The following RALGAPA1 variants were observed in gnomAD, a reference collection of about 807,000 sequenced individuals.
The protein encoded by RALGAPA1 is ral GTPase-activating protein subunit alpha-1.
In RALGAPA1, 52 loss-of-function variants were observed where a neutral mutation model predicts 269.6. That is an observed-to-expected ratio of 0.19 (90% CI 0.15 to 0.24). The LOEUF (loss-of-function observed/expected upper bound fraction) is 0.24, where lower values mean the gene tolerates loss of function less well. RALGAPA1 is among the 10% of genes least tolerant of loss of function. The pLI, the probability that RALGAPA1 is intolerant of heterozygous loss-of-function variation, is 1.00. For synonymous variants in RALGAPA1, 817 were observed against 1,008.3 expected, an observed-to-expected ratio of 0.81 and a Z score of 3.60; for missense variants, 1,917 against 3,013.9, an observed-to-expected ratio of 0.64 and a Z score of 8.52.
intron 7 of RALGAPA1, among the ~76,000 whole-genome samples, chr14:35,755,737 T>G (rs2073110554): frequency 6.6e-6 from 1 of 152,110 alleles, no homozygotes; most frequent in Admixed American, 6.5e-5. Context: ...ACAGAAACAC[T>G]AAGTGGTTAT....
chr14:35,710,867 G>A (rs973419364), intron 16 of RALGAPA1, among the ~76,000 whole-genome samples: 1 of 151,996 alleles, frequency 6.6e-6, no homozygotes, highest in Admixed American at 6.5e-5. Context: ...TATTGCACAC[G>A]TTTGCAGCCT....
At chr14:35,562,547 C>A (rs2056351000) in intron 39 of RALGAPA1, among the ~76,000 whole-genome samples, 1 of 151,880 alleles carries the variant, frequency 6.6e-6, no homozygotes. Context: ...ATTAAGTAGT[C>A]AAAATAAAAA....
chr14:35,714,683 CT>C (rs1003755011), intron 16 of RALGAPA1, among the ~76,000 whole-genome samples: 4 of 152,130 alleles, frequency 2.6e-5, no homozygotes, highest in African/African-American at 7.2e-5. Context: ...TTAGATTTAC[CT>C]ACACATTTAC....
At chr14:35,606,503 A>G (rs2059606361) in intron 35 of RALGAPA1, among the ~76,000 whole-genome samples, 1 of 152,224 alleles carries the variant, frequency 6.6e-6, no homozygotes, top group African/African-American at 2.4e-5. Context: ...ATGAAAGCAT[A>G]GTTATGCAGC....
chr14:35,565,366 C>T (rs1235073673), intron 39 of RALGAPA1, among the ~76,000 whole-genome samples: 5 of 150,688 alleles, frequency 3.3e-5, no homozygotes, highest in African/African-American at 1.2e-4. Flanking sequence ...CTCTTAATTA[C>T]TGTACAATAC....
intron 36 of RALGAPA1, 96 bp from the exon 37 acceptor site, chr14:35,595,885 A>T (rs2058903191): frequency 3.1e-6 from 3 of 965,538 alleles, no homozygotes; most frequent in Non-Finnish European, 4.6e-6. Flanking sequence ...AAAATTGGGA[A>T]CAAAGTCTTT....
chr14:35,658,034 A>G (rs548874376), intron 28 of RALGAPA1, among the ~76,000 whole-genome samples: 2 of 152,304 alleles, frequency 1.3e-5, no homozygotes, highest in East Asian at 3.9e-4. Flanking sequence ...CCAGCTATGC[A>G]TTATCAGAGA....
chr14:35,782,900 C>T (rs1252580552), intron 1 of RALGAPA1, among the ~76,000 whole-genome samples: 1 of 151,986 alleles, frequency 6.6e-6, no homozygotes, highest in South Asian at 2.1e-4. Flanking sequence ...CAGTTCACTG[C>T]AGCCTCAACC....
chr14:35,795,917 G>A (rs1284365594), intron 1 of RALGAPA1, among the ~76,000 whole-genome samples: 1 of 151,844 alleles, frequency 6.6e-6, no homozygotes, highest in East Asian at 1.9e-4. Flanking sequence ...CCAGGAGGTT[G>A]TGACAGACTG....
intron 16 of RALGAPA1, among the ~76,000 whole-genome samples, chr14:35,714,536 C>T (rs1198756760): frequency 6.6e-6 from 1 of 152,196 alleles, no homozygotes; most frequent in Admixed American, 6.5e-5. Flanking sequence ...CTCTCTACCT[C>T]ACCCTGAACA....
rs114754127 is a variant in RALGAPA1 at position 35,618,307 on chromosome 14, C to T, written c.6929+7054G>A. Among the ~76,000 whole-genome samples the T allele has an allele frequency of 4.0e-3, 615 of 152,118 alleles. 4 individuals are homozygous for T. The highest frequency in any genetic ancestry group is 0.014 in the African/African-American group (591 of 41,518). Reference sequence around the variant, plus strand: ...GGGTTTAGCTCAAAAATGCAAATATCATTTGATATTAGCAGTCTAGTGATA... The same window carrying T: ...GGGTTTAGCTCAAAAATGCAAATATTATTTGATATTAGCAGTCTAGTGATA... On this transcript the variant is annotated intron_variant, in intron 35 of 41. Coordinates refer to ENST00000680220, the MANE Select transcript of RALGAPA1 (RefSeq NM_001346249.2).
chr14:35,581,778 C>T (rs2057968103), intron 37 of RALGAPA1, among the ~76,000 whole-genome samples: 1 of 152,074 alleles, frequency 6.6e-6, no homozygotes, highest in Non-Finnish European at 1.5e-5. Flanking sequence ...TTAAGCATTC[C>T]TGGTGGAAAT....
chr14:35,664,207 A>C (rs917877767), intron 27 of RALGAPA1, among the ~76,000 whole-genome samples: 3 of 152,156 alleles, frequency 2.0e-5, no homozygotes, highest in African/African-American at 7.2e-5. Context: ...TGGGATCTCC[A>C]TCCCAACTCC....
chr14:35,765,553 T>G (rs1285787383), intron 4 of RALGAPA1, among the ~76,000 whole-genome samples: 7 of 152,166 alleles, frequency 4.6e-5, no homozygotes. Flanking sequence ...CAGGCTGGAG[T>G]GCAGTGGCAC....
intron 41 of RALGAPA1, among the ~76,000 whole-genome samples, chr14:35,547,691 T>C (rs1252276647): frequency 6.6e-6 from 1 of 152,132 alleles, no homozygotes; most frequent in Non-Finnish European, 1.5e-5. Flanking sequence ...AATGCCAAAC[T>C]GGGTAATTTT....
intron 31 of RALGAPA1, among the ~76,000 whole-genome samples, chr14:35,648,297 C>CA (rs1226402024): frequency 2.1e-5 from 3 of 144,588 alleles, no homozygotes; most frequent in South Asian, 2.2e-4. Context: ...ACTCCTGTCT[C>CA]AAAAAAAAGA....
At chr14:35,733,957 A>T (rs1160043493) in intron 12 of RALGAPA1, among the ~76,000 whole-genome samples, 1 of 151,950 alleles carries the variant, frequency 6.6e-6, no homozygotes, top group Non-Finnish European at 1.5e-5. Flanking sequence ...AAACAAATAA[A>T]TAAATAAATA....
At chr14:35,539,894 G>T (rs1387957977) in intron 41 of RALGAPA1, among the ~76,000 whole-genome samples, 1 of 152,106 alleles carries the variant, frequency 6.6e-6, no homozygotes, top group Non-Finnish European at 1.5e-5. Context: ...CATTATATTA[G>T]CAAGAAAGCG....
In RALGAPA1 at chr14:35,725,171, G is replaced by A. The variant is rs185822024; in HGVS notation, c.1737-18C>T. ...TCTGTTCCCTTAAAATAAAAAGACT[G>A]ATTAATGTTTCCTTCTTGCATATGT... On this transcript the variant is annotated intron_variant, in intron 13 of 41. Transcript: ENST00000680220. 22 of 1,512,664 alleles carry A rather than the reference G, an allele frequency of 1.5e-5. No homozygotes were observed. Among genetic ancestry groups the A allele is most frequent in the Admixed American group, 2.1e-5 (1 of 48,132 alleles). 93.7% of individuals were successfully genotyped at this position (1,512,664 alleles called of 1,614,324 possible).
Sources: gnomAD v4.1 joint callset for allele counts (sites outside exome capture counted in the v4.1 genomes callset) on GRCh38, gnomAD v4.1.1 for gene constraint, MANE v1.5 for transcripts, NCBI Gene and HGNC (gene_info 2026-07-23, HGNC 2026-07-21) for gene names.